The following GRIN2A variants were observed in gnomAD, a reference collection of about 807,000 sequenced individuals.
GRIN2A encodes the protein glutamate receptor ionotropic, NMDA 2A.
Under a neutral mutation model 113.4 loss-of-function variants are expected in GRIN2A, and 22 were observed. That is an observed-to-expected ratio of 0.19 (90% CI 0.14 to 0.28). The LOEUF is 0.28. Among genes scored for constraint, GRIN2A ranks in the 10% least tolerant of loss-of-function variants. GRIN2A has a pLI of 1.00. For synonymous variants in GRIN2A, 827 were observed against 738.4 expected (o/e 1.12, Z -1.94); for missense variants, 1,502 against 1,887.0 (o/e 0.80, Z 3.78).
At chr16:9,952,277 G>A (rs2045203256) in intron 2 of GRIN2A, among the ~76,000 whole-genome samples, 1 of 152,128 alleles carries the variant, frequency 6.6e-6, no homozygotes, top group South Asian at 2.1e-4. Context: ...GCAAGAGAGG[G>A]TGAAAGGGTT....
chr16:10,058,694 G>A (rs1222452717), intron 2 of GRIN2A, among the ~76,000 whole-genome samples: 1 of 152,124 alleles, frequency 6.6e-6, no homozygotes, highest in African/African-American at 2.4e-5. Flanking sequence ...GACCCCTTAG[G>A]GGCCCGTTTA....
chr16:9,988,760 T>C (rs920534642), intron 2 of GRIN2A, among the ~76,000 whole-genome samples: 4 of 152,136 alleles, frequency 2.6e-5, no homozygotes, highest in Admixed American at 6.5e-5. Context: ...AGCCAAGATA[T>C]GATTAATCTC....
At chr16:9,786,581 T>A (rs925766119) in intron 11 of GRIN2A, among the ~76,000 whole-genome samples, 1 of 152,148 alleles carries the variant, frequency 6.6e-6, no homozygotes, top group African/African-American at 2.4e-5. Flanking sequence ...CCTACCTGTG[T>A]TTAAATCACA....
chr16:9,787,286 C>G (rs985046564), intron 11 of GRIN2A, among the ~76,000 whole-genome samples: 2 of 152,228 alleles, frequency 1.3e-5, no homozygotes, highest in African/African-American at 4.8e-5. Context: ...AACTCCTTCT[C>G]TTAACCCAGA....
intron 10 of GRIN2A, among the ~76,000 whole-genome samples, chr16:9,806,804 A>C (rs2041977711): frequency 6.6e-6 from 1 of 151,714 alleles, no homozygotes; most frequent in South Asian, 2.1e-4. Flanking sequence ...AGGATAGAAG[A>C]AGGTAACGGG....
At chr16:9,891,210 G>T in intron 3 of GRIN2A, 110 bp from the exon 4 acceptor site, 1 of 721,768 alleles carries the variant, frequency 1.4e-6, no homozygotes, top group Admixed American at 2.0e-5. Flanking sequence ...AACTTACAAT[G>T]CTATATTCAT....
At chr16:10,122,080 C>T (rs62035769) in intron 2 of GRIN2A, among the ~76,000 whole-genome samples, 3 of 151,870 alleles carry the variant, frequency 2.0e-5, no homozygotes, top group African/African-American at 7.3e-5. Context: ...ATTCAGCGCC[C>T]TTCTGGGCAC....
At chr16:10,148,632 T>C (rs1477875761) in intron 2 of GRIN2A, among the ~76,000 whole-genome samples, 1 of 152,212 alleles carries the variant, frequency 6.6e-6, no homozygotes, top group Non-Finnish European at 1.5e-5. Context: ...TCTCAACAAA[T>C]GTCAACTCCA....
chr16:10,157,592 G>A (rs145317360), intron 2 of GRIN2A, among the ~76,000 whole-genome samples: 29 of 152,260 alleles, frequency 1.9e-4, no homozygotes, highest in African/African-American at 5.8e-4. Flanking sequence ...CCTTCTTCAC[G>A]GGGAGACAGG....
chr16:10,174,883 TAC>T (rs374825247), intron 2 of GRIN2A, among the ~76,000 whole-genome samples: 2 of 151,264 alleles, frequency 1.3e-5, no homozygotes, highest in African/African-American at 2.4e-5. Context: ...ATTGAGAAAT[TAC>T]ACATATATAT....
chr16:9,824,870 G>C (rs753015730), intron 9 of GRIN2A, among the ~76,000 whole-genome samples: 1 of 152,122 alleles, frequency 6.6e-6, no homozygotes, highest in Non-Finnish European at 1.5e-5. Context: ...GTGAAAAACA[G>C]TGAGGGGGCA....
intron 4 of GRIN2A, among the ~76,000 whole-genome samples, chr16:9,873,599 C>G (rs762240211): frequency 4.6e-5 from 7 of 152,150 alleles, no homozygotes; most frequent in Non-Finnish European, 8.8e-5. Context: ...TCTGTGGAAT[C>G]TTTCCTGGTC....
intron 3 of GRIN2A, among the ~76,000 whole-genome samples, chr16:9,920,228 T>C (rs548070891): frequency 6.6e-6 from 1 of 152,294 alleles, no homozygotes; most frequent in Non-Finnish European, 1.5e-5. Context: ...GACAAATGAA[T>C]GAAAACGGGT....
intron 2 of GRIN2A, among the ~76,000 whole-genome samples, chr16:10,094,966 G>A (rs962573369): frequency 1.3e-5 from 2 of 151,074 alleles, no homozygotes; most frequent in African/African-American, 4.9e-5. Flanking sequence ...GCCTTAACCT[G>A]CCATTGACTA....
chr16:9,937,788 T>G (rs1375638508), intron 3 of GRIN2A, 171 bp downstream of exon 3: 2 of 623,632 alleles, frequency 3.2e-6, no homozygotes, highest in Non-Finnish European at 5.7e-6. Flanking sequence ...TGACTTTTCT[T>G]ACAAAGGAGA....
At chr16:10,143,070 T>C (rs1226660701) in intron 2 of GRIN2A, among the ~76,000 whole-genome samples, 1 of 152,264 alleles carries the variant, frequency 6.6e-6, no homozygotes, top group Non-Finnish European at 1.5e-5. Context: ...TTGCCGGTCT[T>C]AATTGTACTA....
chr16:9,916,401 T>C (rs747526989), intron 3 of GRIN2A, among the ~76,000 whole-genome samples: 1 of 152,182 alleles, frequency 6.6e-6, no homozygotes, highest in Non-Finnish European at 1.5e-5. Flanking sequence ...TAGGAGCTTT[T>C]CATACACCCT....
At chr16:9,781,730 C>CA (rs1484076455) in intron 11 of GRIN2A, among the ~76,000 whole-genome samples, 1 of 49,994 alleles carries the variant, frequency 2.0e-5, no homozygotes, top group Admixed American at 1.7e-4. Flanking sequence ...GAACCAGTAA[C>CA]CTTTAAATTC....
intron 2 of GRIN2A, among the ~76,000 whole-genome samples, chr16:9,966,696 A>G (rs931713170): frequency 6.6e-6 from 1 of 151,884 alleles, no homozygotes; most frequent in Non-Finnish European, 1.5e-5. Context: ...AAATTGCCAC[A>G]TTGTCTTCCA....
Sources: gnomAD v4.1 joint callset for allele counts (sites outside exome capture counted in the v4.1 genomes callset) on GRCh38, gnomAD v4.1.1 for gene constraint, MANE v1.5 for transcripts, NCBI Gene and HGNC (gene_info 2026-07-23, HGNC 2026-07-21) for gene names.